TBC1D5: variants seen among roughly 807,000 people sequenced by gnomAD.
The protein encoded by TBC1D5 is TBC1 domain family member 5, also known as TBC1 domain family, member 5.
In TBC1D5, 75 loss-of-function variants were observed where a neutral mutation model predicts 100.3. That is an observed-to-expected ratio of 0.75 (90% CI 0.62 to 0.91). The LOEUF (loss-of-function observed/expected upper bound fraction) is 0.91, where lower values mean the gene tolerates loss of function less well. TBC1D5 is among the 40% of genes least tolerant of loss of function. The probability of loss-of-function intolerance (pLI) is 0.00; values close to 1 mark genes in which losing one functional copy is unlikely to be tolerated. For synonymous variants in TBC1D5, 323 were observed against 325.6 expected (o/e 0.99, Z 0.09); for missense variants, 910 against 942.4 (o/e 0.97, Z 0.45).
intron 2 of TBC1D5, among the ~76,000 whole-genome samples, chr3:17,599,919 C>T (rs2060821639): frequency 6.6e-6 from 1 of 152,152 alleles, no homozygotes; most frequent in African/African-American, 2.4e-5. Flanking sequence ...AAGCAGGATA[C>T]TATATGTCCC....
intron 3 of TBC1D5, among the ~76,000 whole-genome samples, chr3:17,495,068 C>T (rs1015971673): frequency 6.6e-6 from 1 of 152,206 alleles, no homozygotes; most frequent in African/African-American, 2.4e-5. Context: ...CTATGCTTTT[C>T]CTCACTCTCC....
At chr3:17,556,961 A>G (rs1260857117) in intron 2 of TBC1D5, among the ~76,000 whole-genome samples, 2 of 152,220 alleles carry the variant, frequency 1.3e-5, no homozygotes, top group Non-Finnish European at 2.9e-5. Context: ...AGAGTAGGAA[A>G]AGCCAACGCA....
chr3:17,736,883 T>C (rs1264020525), intron 1 of TBC1D5, among the ~76,000 whole-genome samples: 1 of 152,042 alleles, frequency 6.6e-6, no homozygotes, highest in Non-Finnish European at 1.5e-5. Flanking sequence ...CTTGGTGGCA[T>C]GTACCTATAG....
intron 4 of TBC1D5, among the ~76,000 whole-genome samples, chr3:17,416,175 A>T (rs531069666): frequency 4.6e-4 from 70 of 152,326 alleles, no homozygotes; most frequent in African/African-American, 1.6e-3. Flanking sequence ...AAAATCAATT[A>T]TATTTTAACT....
intron 3 of TBC1D5, among the ~76,000 whole-genome samples, chr3:17,479,890 A>C (rs2095481452): frequency 6.6e-6 from 1 of 152,018 alleles, no homozygotes; most frequent in African/African-American, 2.4e-5. Flanking sequence ...CTTCCTATCA[A>C]GTAGGCAGGG....
intron 3 of TBC1D5, among the ~76,000 whole-genome samples, chr3:17,444,622 A>G (rs538759759): frequency 6.6e-6 from 1 of 152,204 alleles, no homozygotes; most frequent in Non-Finnish European, 1.5e-5. Flanking sequence ...TTGATCAAAA[A>G]GTATTAACAA....
chr3:17,737,539 G>A (rs567631230), intron 1 of TBC1D5, among the ~76,000 whole-genome samples: 7 of 152,212 alleles, frequency 4.6e-5, no homozygotes, highest in Non-Finnish European at 1.0e-4. Context: ...ATAATGGGGG[G>A]AGGTGGCTCT....
intron 1 of TBC1D5, among the ~76,000 whole-genome samples, chr3:17,710,308 T>C (rs1272528096): frequency 2.0e-5 from 3 of 152,158 alleles, no homozygotes; most frequent in East Asian, 1.9e-4. Context: ...CTCACACCTG[T>C]AATCCCATCA....
chr3:17,710,800 C>CA (rs2074651954), intron 1 of TBC1D5, among the ~76,000 whole-genome samples: 1 of 152,014 alleles, frequency 6.6e-6, no homozygotes, highest in African/African-American at 2.4e-5. Flanking sequence ...CAGGTTCAAG[C>CA]AATTCTCCTG....
intron 1 of TBC1D5, among the ~76,000 whole-genome samples, chr3:17,637,052 C>T (rs2064013955): frequency 6.7e-6 from 1 of 148,904 alleles, no homozygotes; most frequent in African/African-American, 2.5e-5. Context: ...GACGGAGTGT[C>T]ACTCTGTCGC....
At chr3:17,335,957 T>C (rs938596725) in intron 13 of TBC1D5, among the ~76,000 whole-genome samples, 1 of 152,150 alleles carries the variant, frequency 6.6e-6, no homozygotes, top group Admixed American at 6.6e-5. Flanking sequence ...TTTCTTCCTA[T>C]GCTGCTGACC....
At chr3:17,193,191 T>A (rs533711820) in intron 18 of TBC1D5, among the ~76,000 whole-genome samples, 2 of 152,364 alleles carry the variant, frequency 1.3e-5, no homozygotes, top group East Asian at 3.9e-4. Context: ...TCGCTGATTG[T>A]GCTGCTTCAG....
rs1350491903 is a variant in TBC1D5, at chr3:17,372,857, A to G, written c.823-610T>C. ...TTACCTTCTACAACCCTTTTAGAAT[A>G]TAACATATTGGTATATGAAGAAATA... is the stretch of plus-strand genomic sequence containing the variant. On this transcript the variant is annotated intron_variant, in intron 12 of 21. Transcript: ENST00000253692. 2.0e-5 allele frequency among the ~76,000 whole-genome samples: 3 copies of G among 152,212 alleles called. No homozygotes were observed. In the East Asian group the frequency reaches 5.8e-4, roughly 29 times the overall value.
intron 14 of TBC1D5, among the ~76,000 whole-genome samples, chr3:17,306,085 T>C (rs948991612): frequency 6.7e-6 from 1 of 149,812 alleles, no homozygotes; most frequent in African/African-American, 2.5e-5. Context: ...CACATTAATA[T>C]ATACATCCCT....
At chr3:17,339,025 T>C (rs1470034088) in intron 13 of TBC1D5, among the ~76,000 whole-genome samples, 2 of 152,170 alleles carry the variant, frequency 1.3e-5, no homozygotes, top group Non-Finnish European at 2.9e-5. Context: ...AATACACTGG[T>C]GGCAAGCAGT....
intron 2 of TBC1D5, among the ~76,000 whole-genome samples, chr3:17,579,467 G>T (rs746350935): frequency 1.6e-4 from 25 of 152,034 alleles, no homozygotes; most frequent in Non-Finnish European, 2.1e-4. Flanking sequence ...TACCAGAACT[G>T]CAAGGAAAAG....
At chr3:17,670,042 T>A (rs1021547714) in intron 1 of TBC1D5, among the ~76,000 whole-genome samples, 3 of 152,164 alleles carry the variant, frequency 2.0e-5, no homozygotes, top group Non-Finnish European at 4.4e-5. Context: ...CACGCCGCCA[T>A]GCCCAGCTAT....
intron 18 of TBC1D5, among the ~76,000 whole-genome samples, chr3:17,196,691 A>G (rs980209465): frequency 2.0e-5 from 3 of 152,256 alleles, no homozygotes; most frequent in African/African-American, 7.2e-5. Flanking sequence ...CATTAATAAA[A>G]TGGATTAACT....
At chr3:17,303,750 T>G (rs955049710) in intron 14 of TBC1D5, among the ~76,000 whole-genome samples, 5 of 151,526 alleles carry the variant, frequency 3.3e-5, no homozygotes, top group African/African-American at 1.2e-4. Flanking sequence ...ACCACTATTT[T>G]AAAAAACACT....
Sources: gnomAD v4.1 joint callset for allele counts (sites outside exome capture counted in the v4.1 genomes callset) on GRCh38, gnomAD v4.1.1 for gene constraint, MANE v1.5 for transcripts, NCBI Gene and HGNC (gene_info 2026-07-23, HGNC 2026-07-21) for gene names.